The following IDE variants were observed in gnomAD, a reference collection of about 807,000 sequenced individuals.
IDE encodes the protein insulin degrading enzyme, also known as insulin-degrading enzyme.
A neutral mutation model predicts 133.2 loss-of-function variants in IDE; 58 were observed. The ratio of observed to expected loss-of-function variants is 0.44; its 90% CI spans 0.35 to 0.54. IDE has a LOEUF of 0.54. IDE is among the 20% of genes least tolerant of loss of function. IDE has a pLI of 0.00. For synonymous variants in IDE, 396 were observed against 421.3 expected (o/e 0.94, Z 0.73); for missense variants, 981 against 1,234.0 (o/e 0.79, Z 3.07).
In IDE at chr10:92,452,969, T is replaced by C. The variant is rs563406135; in HGVS notation, c.*1475A>G. On this transcript the variant is annotated 3_prime_UTR_variant, in exon 25 of 25. Coordinates refer to ENST00000265986, the MANE Select transcript of IDE (RefSeq NM_004969.4). ...AGCCCCGCTTTTGAAAGCAGCCCCATAGTTGTGACTATATCGTTCTTGCCC... is the reference window on the plus strand; with the variant it reads ...AGCCCCGCTTTTGAAAGCAGCCCCACAGTTGTGACTATATCGTTCTTGCCC... 2.0e-5 allele frequency: 3 copies of C among 152,340 alleles called. No homozygotes were observed. The highest frequency in any genetic ancestry group is 2.1e-4 in the South Asian group (1 of 4,830). 9.4% of individuals were successfully genotyped at this position (152,340 alleles called of 1,614,324 possible).
At chr10:92,572,934 C>T in intron 1 of IDE, 1 of 985,332 alleles carries the variant, frequency 1.0e-6, no homozygotes, top group Non-Finnish European at 1.2e-6. Context: ...TCTCAATTCC[C>T]GTGGCATCCC....
chr10:92,501,467 C>T (rs1313730819), intron 11 of IDE, among the ~76,000 whole-genome samples: 8 of 143,816 alleles, frequency 5.6e-5, no homozygotes. Context: ...GTCAAGAGAT[C>T]GAGACCATCC....
At chr10:92,488,892 C>A (rs1847176249) in intron 12 of IDE, among the ~76,000 whole-genome samples, 1 of 140,032 alleles carries the variant, frequency 7.1e-6, no homozygotes, top group Admixed American at 7.5e-5. Context: ...GATCACAGGC[C>A]ACTGATTGTT....
intron 10 of IDE, among the ~76,000 whole-genome samples, chr10:92,506,157 T>C (rs1011276826): frequency 2.0e-5 from 3 of 152,168 alleles, no homozygotes; most frequent in Admixed American, 2.0e-4. Context: ...AAATGATCAA[T>C]AGCTTTCATA....
At position 92,534,719 on chromosome 10, in the gene IDE, C is replaced by T; in HGVS notation, c.350G>A (p.Gly117Glu). The T allele has an allele frequency of 6.2e-7, 1 of 1,613,590 alleles. No individual in the cohort carries two copies. Among genetic ancestry groups the T allele is most frequent in the Non-Finnish European group, 8.5e-7 (1 of 1,179,802 alleles). Reference sequence around the variant, plus strand: ...ATTTTCTTTAGGGTATTTCTTTGTTCCCAAAAAAAGCATATGTTCACAAAA... The same window carrying T: ...ATTTTCTTTAGGGTATTTCTTTGTTTCCAAAAAAAGCATATGTTCACAAAA... ...SHFCEHMLFL[G>E]TKKYPKENEY... Residue 117 changes from glycine (G) to glutamate (E), a missense_variant, in exon 3 of 25, where the codon GGA (glycine) becomes GAA (glutamate). This residue lies in a region of IDE where 321 missense variants were observed against 339.3 expected (regional missense o/e 0.95). Coordinates refer to ENST00000265986, the MANE Select transcript of IDE (RefSeq NM_004969.4).
intron 4 of IDE, among the ~76,000 whole-genome samples, chr10:92,529,321 T>C (rs1849790359): frequency 1.3e-5 from 2 of 152,176 alleles, no homozygotes; most frequent in South Asian, 4.1e-4. Context: ...GAACTTCTAC[T>C]CCAAAAAATT....
At chr10:92,509,445 T>G (rs748393905) in intron 6 of IDE, among the ~76,000 whole-genome samples, 2 of 151,624 alleles carry the variant, frequency 1.3e-5, no homozygotes, top group African/African-American at 2.4e-5. Context: ...ATACAAAAAT[T>G]AGCCAGGCAC....
chr10:92,494,006 G>A (rs559072669), intron 11 of IDE, among the ~76,000 whole-genome samples: 1 of 152,052 alleles, frequency 6.6e-6, no homozygotes. Flanking sequence ...ATACACAACC[G>A]CAGACAGTTG....
chr10:92,473,003 C>A (rs1234223590), intron 17 of IDE, among the ~76,000 whole-genome samples: 1 of 148,694 alleles, frequency 6.7e-6, no homozygotes, highest in Non-Finnish European at 1.5e-5. Context: ...AGTGCAGTGG[C>A]ATTATCTCGG....
At chr10:92,456,482 C>A (rs1845013717) in intron 22 of IDE, 51 bp from the exon 23 acceptor site, 2 of 1,182,464 alleles carry the variant, frequency 1.7e-6, no homozygotes, top group African/African-American at 1.5e-5. Context: ...AAAGAACTTA[C>A]AATGAGGTGT....
At chr10:92,458,496 T>TG (rs1845160257) in intron 22 of IDE, among the ~76,000 whole-genome samples, 2 of 80,526 alleles carry the variant, frequency 2.5e-5, no homozygotes, top group East Asian at 2.7e-3. Flanking sequence ...CTCTGTTTTT[T>TG]TTTTTTTTTT....
intron 13 of IDE, among the ~76,000 whole-genome samples, chr10:92,485,763 C>G (rs1203621563): frequency 1.3e-5 from 2 of 151,982 alleles, no homozygotes; most frequent in Non-Finnish European, 2.9e-5. Flanking sequence ...GGCAACATAG[C>G]AAGATCCCAT....
intron 5 of IDE, among the ~76,000 whole-genome samples, chr10:92,511,995 G>A (rs1848656484): frequency 2.0e-5 from 3 of 152,120 alleles, no homozygotes; most frequent in Non-Finnish European, 1.5e-5. Flanking sequence ...CTTTTTAAAG[G>A]TAAGGGAGCT....
intron 1 of IDE, among the ~76,000 whole-genome samples, chr10:92,561,686 C>T (rs1054687911): frequency 1.2e-4 from 18 of 151,402 alleles, no homozygotes; most frequent in Non-Finnish European, 1.6e-4. Context: ...GGCTTGAACA[C>T]GGGAGGCGGA....
chr10:92,541,379 T>C (rs1241125512), intron 1 of IDE: 1 of 467,430 alleles, frequency 2.1e-6, no homozygotes, highest in South Asian at 1.6e-5. Flanking sequence ...GTCTCTGTAT[T>C]TATACTCATA....
At chr10:92,561,907 A>C (rs1328284075) in intron 1 of IDE, among the ~76,000 whole-genome samples, 1 of 152,214 alleles carries the variant, frequency 6.6e-6, no homozygotes, top group Admixed American at 6.5e-5. Context: ...ATTAACAAAA[A>C]CCTCCAGTAT....
At position 92,510,261 on chromosome 10, in the gene IDE, A is replaced by G. The variant is rs1589445084; in HGVS notation, c.785-99T>C. On this transcript the variant is annotated intron_variant, in intron 5 of 24. Coordinates refer to ENST00000265986, the MANE Select transcript of IDE (RefSeq NM_004969.4). Reference sequence around the variant, plus strand: ...GGATCTCCTGAAAAGTCTCAGTACTACTGAAAGGAAAATGTGAAAATGATT... The same window carrying G: ...GGATCTCCTGAAAAGTCTCAGTACTGCTGAAAGGAAAATGTGAAAATGATT... 1.3e-5 allele frequency: 7 copies of G among 559,570 alleles called. No homozygotes were observed. In the South Asian group the frequency reaches 1.4e-4, roughly 11 times the overall value. 34.7% of individuals were successfully genotyped at this position (559,570 alleles called of 1,614,324 possible).
At chr10:92,494,677 A>G (rs1000394403) in intron 11 of IDE, among the ~76,000 whole-genome samples, 1 of 152,220 alleles carries the variant, frequency 6.6e-6, no homozygotes, top group African/African-American at 2.4e-5. Flanking sequence ...GCGGGCTAGA[A>G]TGAATGCTGT....
chr10:92,496,220 T>G (rs1359477973), intron 11 of IDE, among the ~76,000 whole-genome samples: 1 of 152,222 alleles, frequency 6.6e-6, no homozygotes, highest in Non-Finnish European at 1.5e-5. Flanking sequence ...AGATTAGGCT[T>G]AAAGTTTAGA....
Sources: allele counts gnomAD v4.1 joint callset (sites outside exome capture counted in the v4.1 genomes callset), GRCh38; gene constraint gnomAD v4.1.1; regional missense constraint gnomAD v4.1.1; transcripts MANE v1.5; gene names NCBI Gene and HGNC (gene_info 2026-07-23, HGNC 2026-07-21).